GRM7: variants seen among roughly 807,000 people sequenced by gnomAD.
GRM7 encodes glutamate metabotropic receptor 7, also known as metabotropic glutamate receptor 7.
A neutral mutation model predicts 84.5 loss-of-function variants in GRM7; 35 were observed. The ratio of observed to expected loss-of-function variants is 0.41; its 90% CI spans 0.32 to 0.55. The LOEUF is 0.55. GRM7 is among the 20% of genes least tolerant of loss of function. GRM7 has a pLI of 0.19. For missense variants in GRM7, 1,003 were observed against 1,194.6 expected, an observed-to-expected ratio of 0.84 and a Z score of 2.36; for synonymous variants, 487 against 455.1, an observed-to-expected ratio of 1.07 and a Z score of -0.89.
chr3:7,049,112 T>G (rs924124887), intron 1 of GRM7, among the ~76,000 whole-genome samples: 5 of 151,988 alleles, frequency 3.3e-5, no homozygotes, highest in African/African-American at 1.2e-4. Context: ...TCACGTTAGT[T>G]CATTAAGCAA....
At chr3:7,706,991 C>CA (rs906179690) in intron 9 of GRM7, among the ~76,000 whole-genome samples, 21 of 121,444 alleles carry the variant, frequency 1.7e-4, no homozygotes, top group Non-Finnish European at 3.0e-4. Flanking sequence ...CCAGTAACAT[C>CA]AAAAAAAATG....
At chr3:7,522,480 C>T (rs1486196239) in intron 7 of GRM7, among the ~76,000 whole-genome samples, 1 of 152,126 alleles carries the variant, frequency 6.6e-6, no homozygotes, top group African/African-American at 2.4e-5. Context: ...AGCTATGACA[C>T]CTGCCCTCCT....
At chr3:7,313,415 T>C (rs2125044306) in intron 4 of GRM7, among the ~76,000 whole-genome samples, 1 of 152,312 alleles carries the variant, frequency 6.6e-6, no homozygotes, top group East Asian at 1.9e-4. Flanking sequence ...TACATTAGTA[T>C]TTGTTCTTAT....
chr3:7,258,844 C>T (rs1698304157), intron 2 of GRM7, among the ~76,000 whole-genome samples: 1 of 152,184 alleles, frequency 6.6e-6, no homozygotes, highest in South Asian at 2.1e-4. Flanking sequence ...AAGAAGATAG[C>T]AAAAGTGAGG....
chr3:7,519,290 A>G (rs1316788708), intron 7 of GRM7, among the ~76,000 whole-genome samples: 2 of 151,880 alleles, frequency 1.3e-5, no homozygotes, highest in African/African-American at 4.8e-5. Flanking sequence ...GAAACTCAGG[A>G]GGTAGAGGCT....
intron 1 of GRM7, among the ~76,000 whole-genome samples, chr3:7,075,951 A>G (rs1553614022): frequency 6.6e-6 from 1 of 151,818 alleles, no homozygotes; most frequent in Non-Finnish European, 1.5e-5. Flanking sequence ...TTTTTTTACT[A>G]TATCCCTCCA....
intron 2 of GRM7, among the ~76,000 whole-genome samples, chr3:7,219,750 C>A (rs1294542663): frequency 2.6e-5 from 4 of 152,186 alleles, no homozygotes; most frequent in Non-Finnish European, 5.9e-5. Context: ...AGCAAGCACA[C>A]CTGGCATGCA....
At chr3:6,891,168 G>A (rs1368883857) in intron 1 of GRM7, among the ~76,000 whole-genome samples, 1 of 151,934 alleles carries the variant, frequency 6.6e-6, no homozygotes, top group East Asian at 1.9e-4. Flanking sequence ...CACACTGATG[G>A]GTCTTGACTC....
chr3:7,329,255 G>A (rs1701105017), intron 4 of GRM7, among the ~76,000 whole-genome samples: 1 of 152,060 alleles, frequency 6.6e-6, no homozygotes, highest in Non-Finnish European at 1.5e-5. Context: ...GGTTCCCAAG[G>A]TGCTCATTCT....
At chr3:7,458,537 A>T (rs531019516) in intron 6 of GRM7, among the ~76,000 whole-genome samples, 1 of 152,308 alleles carries the variant, frequency 6.6e-6, no homozygotes, top group African/African-American at 2.4e-5. Context: ...ACAAGTCATC[A>T]CTTAGATAAA....
At chr3:7,571,198 T>G (rs887296466) in intron 7 of GRM7, among the ~76,000 whole-genome samples, 3 of 152,224 alleles carry the variant, frequency 2.0e-5, no homozygotes, top group African/African-American at 7.2e-5. Flanking sequence ...TCTCAGGGAC[T>G]AACATTTGGC....
chr3:7,521,052 C>A (rs923218543), intron 7 of GRM7, among the ~76,000 whole-genome samples: 3 of 152,172 alleles, frequency 2.0e-5, no homozygotes, highest in Non-Finnish European at 2.9e-5. Context: ...CCTAATGGGT[C>A]ACACTGATAA....
intron 2 of GRM7, among the ~76,000 whole-genome samples, chr3:7,169,343 A>G (rs1694908687): frequency 6.6e-6 from 1 of 152,222 alleles, no homozygotes; most frequent in African/African-American, 2.4e-5. Flanking sequence ...TCCAGTCAAC[A>G]CTACGGCTCT....
intron 3 of GRM7, among the ~76,000 whole-genome samples, chr3:7,305,899 A>G (rs1700177864): frequency 6.6e-6 from 1 of 152,148 alleles, no homozygotes; most frequent in Admixed American, 6.5e-5. Context: ...TACTATTGCA[A>G]TAACTTTTTC....
intron 2 of GRM7, among the ~76,000 whole-genome samples, chr3:7,148,030 C>T (rs1438150192): frequency 6.6e-6 from 1 of 152,064 alleles, no homozygotes. Context: ...TCTACTATGG[C>T]CCCAGGTGCT....
chr3:7,222,348 C>T (rs1426737684), intron 2 of GRM7, among the ~76,000 whole-genome samples: 1 of 151,888 alleles, frequency 6.6e-6, no homozygotes, highest in Admixed American at 6.6e-5. Flanking sequence ...TGAAAAGGAC[C>T]TGACTCCCAA....
intron 2 of GRM7, among the ~76,000 whole-genome samples, chr3:7,172,678 A>G (rs948715481): frequency 6.6e-6 from 1 of 151,996 alleles, no homozygotes; most frequent in South Asian, 2.1e-4. Context: ...ATTTTTGAGT[A>G]TTTGTTGGCA....
intron 2 of GRM7, among the ~76,000 whole-genome samples, chr3:7,175,779 C>T (rs1695126087): frequency 1.3e-5 from 2 of 152,298 alleles, no homozygotes; most frequent in South Asian, 4.1e-4. Context: ...CTCAAGTGAT[C>T]TGCCCGCCTT....
At chr3:7,061,290 A>C (rs1021165602) in intron 1 of GRM7, among the ~76,000 whole-genome samples, 1 of 151,836 alleles carries the variant, frequency 6.6e-6, no homozygotes, top group Admixed American at 6.6e-5. Flanking sequence ...ACTAACAATG[A>C]CAATGGTAAT....
Sources: allele counts gnomAD v4.1 joint callset (sites outside exome capture counted in the v4.1 genomes callset), GRCh38; gene constraint gnomAD v4.1.1; transcripts MANE v1.5; gene names NCBI Gene and HGNC (gene_info 2026-07-23, HGNC 2026-07-21).